The following MINDY4 variants were observed in gnomAD, a reference collection of about 807,000 sequenced individuals.
MINDY4 encodes MINDY lysine 48 deubiquitinase 4, also known as probable ubiquitin carboxyl-terminal hydrolase MINDY-4.
MINDY4 carries 68 observed loss-of-function variants against 87.0 expected under a neutral mutation model. That is an observed-to-expected ratio of 0.78 (90% CI 0.64 to 0.96). MINDY4 has a LOEUF of 0.96. Ranked by LOEUF, MINDY4 falls within the 40% of genes least tolerant of loss-of-function variation. The pLI, the probability that MINDY4 is intolerant of heterozygous loss-of-function variation, is 0.00. For missense variants in MINDY4, 919 were observed against 928.2 expected (o/e 0.99, Z 0.13); for synonymous variants, 379 against 363.2 (o/e 1.04, Z -0.50).
At position 30,880,457 on chromosome 7, in the gene MINDY4, C is replaced by T. The variant is rs184818866; in HGVS notation, c.1972-1724C>T. On this transcript the variant is annotated intron_variant, in intron 15 of 17. Coordinates refer to ENST00000265299, the MANE Select transcript of MINDY4 (RefSeq NM_032222.3). ...TAAAGTCTGTGGGCAGCTTTTTTCCCTTAATCTCTCGACTGTTACTTCTGC... is the reference window on the plus strand; with the variant it reads ...TAAAGTCTGTGGGCAGCTTTTTTCCTTTAATCTCTCGACTGTTACTTCTGC... Among the ~76,000 whole-genome samples the T allele has an allele frequency of 2.1e-3, 325 of 152,234 alleles. 2 individuals are homozygous for T. Among genetic ancestry groups the T allele is most frequent in the African/African-American group, 7.6e-3 (316 of 41,540 alleles).
At chr7:30,830,306 C>A (rs1011748046) in intron 6 of MINDY4, among the ~76,000 whole-genome samples, 2 of 152,160 alleles carry the variant, frequency 1.3e-5, no homozygotes, top group African/African-American at 4.8e-5. Flanking sequence ...GAGGTATCTT[C>A]CCATAGCAAC....
At chr7:30,782,352 G>A (rs1446102280) in intron 3 of MINDY4, 140 bp downstream of exon 3, 3 of 644,512 alleles carry the variant, frequency 4.7e-6, no homozygotes, top group Admixed American at 2.9e-5. Context: ...TTGTGTGTGT[G>A]TGTGTGTGTG....
intron 5 of MINDY4, among the ~76,000 whole-genome samples, chr7:30,820,208 T>A (rs903130250): frequency 3.3e-5 from 5 of 152,182 alleles, no homozygotes; most frequent in African/African-American, 9.6e-5. Flanking sequence ...GCCAATAATT[T>A]TTAAAAGTAA....
chr7:30,780,899 C>G (rs1786992434), intron 2 of MINDY4: 3 of 152,224 alleles, frequency 2.0e-5, no homozygotes, highest in Middle Eastern at 3.2e-3. Context: ...TTCATTTAAT[C>G]TTAGACAAAA....
intron 1 of MINDY4, among the ~76,000 whole-genome samples, chr7:30,773,500 C>T (rs927701710): frequency 3.9e-5 from 6 of 152,098 alleles, no homozygotes; most frequent in South Asian, 2.1e-4. Flanking sequence ...CTGCTTGCTC[C>T]GCCCTCTACC....
At chr7:30,829,169 A>G (rs1220013813) in intron 6 of MINDY4, among the ~76,000 whole-genome samples, 1 of 152,252 alleles carries the variant, frequency 6.6e-6, no homozygotes, top group African/African-American at 2.4e-5. Context: ...GAAGGCATTA[A>G]GTGTACAACC....
chr7:30,831,663 G>C (rs1208746123), intron 6 of MINDY4, among the ~76,000 whole-genome samples: 2 of 152,112 alleles, frequency 1.3e-5, no homozygotes, highest in Non-Finnish European at 2.9e-5. Flanking sequence ...CTGAGTTTCT[G>C]GTGTTGGGGC....
chr7:30,807,590 G>T (rs1017139321), intron 5 of MINDY4, among the ~76,000 whole-genome samples: 2 of 152,140 alleles, frequency 1.3e-5, no homozygotes, highest in African/African-American at 4.8e-5. Flanking sequence ...GAAAGAAGAA[G>T]TAAAAACTAA....
intron 16 of MINDY4, 104 bp downstream of exon 16, chr7:30,882,465 G>C: frequency 9.9e-7 from 1 of 1,013,986 alleles, no homozygotes; most frequent in South Asian, 1.7e-5. Flanking sequence ...CCATGACAGA[G>C]AGCAGTGCAG....
chr7:30,803,584 T>A (rs1248902026), intron 5 of MINDY4, among the ~76,000 whole-genome samples: 3 of 152,132 alleles, frequency 2.0e-5, no homozygotes, highest in Non-Finnish European at 2.9e-5. Context: ...TGGGTTTGAA[T>A]AACCCAGTTT....
intron 5 of MINDY4, among the ~76,000 whole-genome samples, chr7:30,812,169 T>C (rs1425417629): frequency 2.0e-5 from 3 of 151,398 alleles, no homozygotes; most frequent in African/African-American, 7.3e-5. Flanking sequence ...GTCCTTATTC[T>C]AAGGAGATGC....
At chr7:30,868,509 C>T (rs903665454) in intron 13 of MINDY4, among the ~76,000 whole-genome samples, 2 of 152,360 alleles carry the variant, frequency 1.3e-5, no homozygotes, top group Middle Eastern at 6.8e-3. Context: ...GCCTCTTCCC[C>T]TTCCGGGATG....
In MINDY4 at chr7:30,872,230, T is replaced by A; in HGVS notation, c.1746-13T>A. ...GGCAGAGCTGTGCTAACAATGCTTC[T>A]TGTGTTTTCCAGCATCCGCCAGGAC... On this transcript the variant is annotated splice_polypyrimidine_tract_variant and intron_variant, in intron 13 of 17. Transcript: ENST00000265299. 6.2e-7 allele frequency: 1 copy of A among 1,613,984 alleles called. No homozygotes were observed. The highest frequency in any genetic ancestry group is 8.5e-7 in the Non-Finnish European group (1 of 1,179,900).
chr7:30,793,902 A>G (rs1362548644), intron 5 of MINDY4, among the ~76,000 whole-genome samples: 1 of 152,208 alleles, frequency 6.6e-6, no homozygotes, highest in Non-Finnish European at 1.5e-5. Flanking sequence ...ACTTCTAGAA[A>G]ACACTGGGAG....
At chr7:30,779,723 T>A (rs1192603289) in intron 2 of MINDY4, 1 of 152,182 alleles carries the variant, frequency 6.6e-6, no homozygotes, top group Non-Finnish European at 1.5e-5. Flanking sequence ...CAGGTAGGGA[T>A]GAGGCTAGAA....
Position 30,830,746 on chromosome 7 carries a change from A to G in MINDY4, c.1132+2009A>G, listed in dbSNP as rs571362108. Among the ~76,000 whole-genome samples the G allele has an allele frequency of 2.0e-5, 3 of 152,280 alleles. No homozygotes were observed. The South Asian group carries it at 6.2e-4, about 32-fold the overall frequency. On this transcript the variant is annotated intron_variant, in intron 6 of 17. Coordinates refer to ENST00000265299, the MANE Select transcript of MINDY4 (RefSeq NM_032222.3). The stretch of plus-strand genomic sequence containing the variant: ...ATTTGGGTGGGGACACAGCCAAACC[A>G]TATCAGTTCTGGAAGCTTCCATAGT...
chr7:30,850,665 C>G, intron 10 of MINDY4, 110 bp downstream of exon 10: 1 of 971,520 alleles, frequency 1.0e-6, no homozygotes, highest in Non-Finnish European at 1.6e-6. Flanking sequence ...CCACCCTGTG[C>G]CACATGCTGG....
In MINDY4 at chr7:30,840,862, C is replaced by T; in HGVS notation, c.1445+14C>T. On this transcript the variant is annotated intron_variant, in intron 9 of 17. Transcript: ENST00000265299. ...CGACTGTGCTCAGTAAGTCAGTGCT[C>T]TTTCTGGCAATATCTTATTTTCCCA... 1 of 1,608,892 alleles carries T rather than the reference C, an allele frequency of 6.2e-7. No homozygotes were observed. The highest frequency in any genetic ancestry group is 8.5e-7 in the Non-Finnish European group (1 of 1,176,576).
chr7:30,846,319 G>A (rs1789217371), intron 9 of MINDY4, among the ~76,000 whole-genome samples: 1 of 152,230 alleles, frequency 6.6e-6, no homozygotes, highest in Non-Finnish European at 1.5e-5. Flanking sequence ...GAGAAAGTTA[G>A]GGTAGAAACA....
Sources: allele counts gnomAD v4.1 joint callset (sites outside exome capture counted in the v4.1 genomes callset), GRCh38; gene constraint gnomAD v4.1.1; transcripts MANE v1.5; gene names NCBI Gene and HGNC (gene_info 2026-07-23, HGNC 2026-07-21).